The following HORMAD2 variants were observed in gnomAD, a reference collection of about 807,000 sequenced individuals.
HORMAD2 encodes HORMA domain containing 2, also known as HORMA domain-containing protein 2.
In HORMAD2, 45 loss-of-function variants were observed where a neutral mutation model predicts 38.8. The ratio of observed to expected loss-of-function variants is 1.16; its 90% CI spans 0.91 to 1.49. The LOEUF (loss-of-function observed/expected upper bound fraction) is 1.49. Ranked by LOEUF, HORMAD2 falls within the 40% of genes most tolerant of loss-of-function variation. The pLI is 0.00. For synonymous variants in HORMAD2, 126 were observed against 122.8 expected (o/e 1.03, Z -0.17); for missense variants, 338 against 367.0 (o/e 0.92, Z 0.65).
At chr22:30,173,099 G>T (rs561583028) in intron 10 of HORMAD2, among the ~76,000 whole-genome samples, 35 of 152,324 alleles carry the variant, frequency 2.3e-4, no homozygotes, top group Admixed American at 2.0e-4. Flanking sequence ...GTGGGAGTGG[G>T]CATTGAAGGT....
intron 10 of HORMAD2, among the ~76,000 whole-genome samples, chr22:30,150,163 G>A (rs1210231400): frequency 6.6e-6 from 1 of 152,062 alleles, no homozygotes; most frequent in Non-Finnish European, 1.5e-5. Flanking sequence ...GGGCCCACCA[G>A]TATTTAGATA....
chr22:30,108,918 CTCTT>C (rs1171125199), intron 5 of HORMAD2, among the ~76,000 whole-genome samples: 5 of 149,748 alleles, frequency 3.3e-5, no homozygotes, highest in Non-Finnish European at 4.4e-5. Flanking sequence ...CTCTCGCTCT[CTCTT>C]TCTCTCCCTC....
At chr22:30,202,105 A>G in the HORMAD2 span, among the ~76,000 whole-genome samples, 1 of 152,214 alleles carries the variant, frequency 6.6e-6, no homozygotes, top group African/African-American at 2.4e-5. Context: ...AACTTAAAGC[A>G]GTTGTAACTT....
At chr22:30,173,933 G>A (rs1926272589) in intron 10 of HORMAD2, among the ~76,000 whole-genome samples, 1 of 152,178 alleles carries the variant, frequency 6.6e-6, no homozygotes. Flanking sequence ...CAAATCAGCT[G>A]GCTATCCTAT....
the HORMAD2 span, among the ~76,000 whole-genome samples, chr22:30,196,504 C>T: frequency 6.6e-6 from 1 of 152,170 alleles, no homozygotes; most frequent in Non-Finnish European, 1.5e-5. Context: ...CCAGCGTCAG[C>T]GTTTGACAAA....
intron 1 of HORMAD2, among the ~76,000 whole-genome samples, 185 bp from the exon 2 acceptor site, chr22:30,093,731 C>G (rs1432835598): frequency 1.3e-5 from 2 of 152,096 alleles, no homozygotes; most frequent in Admixed American, 1.3e-4. Context: ...TTCCTTTGCT[C>G]TTCAAAATGT....
downstream of HORMAD2, among the ~76,000 whole-genome samples, chr22:30,178,616 A>C (rs1189770323): frequency 6.6e-6 from 1 of 152,200 alleles, no homozygotes; most frequent in African/African-American, 2.4e-5. Flanking sequence ...CTTAATTGTA[A>C]TGGGATGAAT....
chr22:30,204,519 A>G, the HORMAD2 span, among the ~76,000 whole-genome samples: 6 of 152,182 alleles, frequency 3.9e-5, no homozygotes, highest in Admixed American at 3.9e-4. Context: ...CCAGGGCCCC[A>G]GGCACACTGG....
At chr22:30,190,215 C>A in the HORMAD2 span, among the ~76,000 whole-genome samples, 1 of 152,158 alleles carries the variant, frequency 6.6e-6, no homozygotes, top group Non-Finnish European at 1.5e-5. Flanking sequence ...CTTCTCGCCC[C>A]TCAACCCTCT....
chr22:30,124,465 C>T (rs1374602747), intron 10 of HORMAD2, among the ~76,000 whole-genome samples: 2 of 152,324 alleles, frequency 1.3e-5, no homozygotes, highest in South Asian at 2.1e-4. Context: ...TTAGAAGCCA[C>T]CACGTGTCCC....
chr22:30,089,721 G>T (rs2068648363), intron 1 of HORMAD2, among the ~76,000 whole-genome samples: 1 of 152,090 alleles, frequency 6.6e-6, no homozygotes, highest in Non-Finnish European at 1.5e-5. Context: ...CTTTTTTATT[G>T]TGGTAAACTG....
Position 30,122,159 on chromosome 22 carries a change from C to A in HORMAD2, c.764C>A (p.Thr255Asn), listed in dbSNP as rs1357601924. 4 of 1,613,464 alleles carry A rather than the reference C, an allele frequency of 2.5e-6. No individual in the cohort carries two copies. In the Admixed American group the frequency reaches 6.7e-5, roughly 27 times the overall value. ...AATCTGTTTCGGGAGAACAGCACTA[C>A]TGAGATCGCCCATCAGGGTCTAGAC... is the stretch of plus-strand genomic sequence containing the variant. ...ENNLFRENST[T>N]EIAHQGLDCD... The change falls in exon 10 of 11, where the codon ACT becomes AAT. Residue 255 changes from threonine to asparagine, a missense_variant. By Grantham distance (65) the Thr-to-Asn change is moderately conservative. Transcript: ENST00000336726.
At chr22:30,152,916 G>A (rs1258586033) in intron 10 of HORMAD2, among the ~76,000 whole-genome samples, 4 of 151,988 alleles carry the variant, frequency 2.6e-5, no homozygotes, top group African/African-American at 9.7e-5. Flanking sequence ...GTTATCTTGA[G>A]CCCTGATCAT....
At chr22:30,107,839 G>A (rs1921313976) in intron 5 of HORMAD2, among the ~76,000 whole-genome samples, 1 of 151,830 alleles carries the variant, frequency 6.6e-6, no homozygotes, top group Non-Finnish European at 1.5e-5. Flanking sequence ...CCCTGTAAGA[G>A]CATGATTATT....
the HORMAD2 span, among the ~76,000 whole-genome samples, chr22:30,203,410 A>AT: frequency 6.6e-6 from 1 of 151,538 alleles, no homozygotes; most frequent in African/African-American, 2.4e-5. Context: ...AAAAAAAAAA[A>AT]AATCTGTCAT....
chr22:30,191,440 T>C, the HORMAD2 span, among the ~76,000 whole-genome samples: 1 of 152,122 alleles, frequency 6.6e-6, no homozygotes, highest in African/African-American at 2.4e-5. Context: ...GGTGGGGGAC[T>C]CCAGCAGTGG....
At chr22:30,153,362 A>G (rs1186462434) in intron 10 of HORMAD2, among the ~76,000 whole-genome samples, 1 of 151,808 alleles carries the variant, frequency 6.6e-6, no homozygotes, top group Non-Finnish European at 1.5e-5. Flanking sequence ...AAAATATCTC[A>G]TGAGTCTTAT....
At chr22:30,188,925 TAGA>T in the HORMAD2 span, among the ~76,000 whole-genome samples, 1 of 151,938 alleles carries the variant, frequency 6.6e-6, no homozygotes, top group Non-Finnish European at 1.5e-5. Context: ...TGCTTGAGCC[TAGA>T]AGTTCAAGAC....
intron 5 of HORMAD2, 157 bp downstream of exon 5, chr22:30,104,594 T>G (rs560154271): frequency 2.5e-4 from 142 of 558,562 alleles, no homozygotes; most frequent in African/African-American, 2.4e-3. Flanking sequence ...TATTGTCCTG[T>G]TGTTGTCTCC....
Sources: gnomAD v4.1 joint callset for allele counts (sites outside exome capture counted in the v4.1 genomes callset) on GRCh38, gnomAD v4.1.1 for gene constraint, MANE v1.5 for transcripts, NCBI Gene and HGNC (gene_info 2026-07-23, HGNC 2026-07-21) for gene names.